The following CACNA2D4 variants were observed in gnomAD, a reference collection of about 807,000 sequenced individuals.
The protein encoded by CACNA2D4 is voltage-dependent calcium channel subunit alpha-2/delta-4.
Under a neutral mutation model 163.8 loss-of-function variants are expected in CACNA2D4, and 157 were observed. The observed-to-expected ratio is 0.96, with a 90% CI of 0.84 to 1.09. CACNA2D4 has a LOEUF of 1.09. CACNA2D4 is among the 50% of genes least tolerant of loss of function. The pLI is 0.00. For synonymous variants in CACNA2D4, 598 were observed against 586.9 expected (o/e 1.02, Z -0.27); for missense variants, 1,410 against 1,479.9 (o/e 0.95, Z 0.78).
rs965878166 is a variant in CACNA2D4, at chr12:1,830,817, G to T, written c.2551+9922C>A. 13 of 807,510 alleles carry T rather than the reference G, an allele frequency of 1.6e-5. No individual in the cohort carries two copies. In the Admixed American group the frequency reaches 1.8e-4, roughly 11 times the overall value. 50.0% of individuals were successfully genotyped at this position (807,510 alleles called of 1,614,324 possible). Reference sequence around the variant, plus strand: ...AATAAACGTTTATGCATTGATTGTGGCTTGTGCCAAAGGAGATAAAGCCAA... The same window carrying T: ...AATAAACGTTTATGCATTGATTGTGTCTTGTGCCAAAGGAGATAAAGCCAA... On this transcript the variant is annotated intron_variant, in intron 26 of 37. Coordinates refer to ENST00000382722, the MANE Select transcript of CACNA2D4 (RefSeq NM_172364.5).
At position 1,918,373 on chromosome 12, in the gene CACNA2D4, CA is replaced by C; in HGVS notation, c.100del (p.Trp34GlyfsTer26). Reference sequence around the variant, plus strand: ...CACGGGCATTGGCTGGAGGGGAATCCAGCGGCTGCTGGAGCTGGGGTTTGCG... The same window carrying C: ...CACGGGCATTGGCTGGAGGGGAATCCGCGGCTGCTGGAGCTGGGGTTTGCG... ...FLANPSSSSRWIPLQPMPVAW... is the reference protein window; with the variant it reads ...FLANPSSSSRXIPLQPMPVAW... On this transcript the variant is annotated frameshift_variant, in exon 1 of 38. Coordinates refer to ENST00000382722, the MANE Select transcript of CACNA2D4 (RefSeq NM_172364.5). LOFTEE classifies it high-confidence loss of function. 1 of 1,604,568 alleles carries C rather than the reference CA, an allele frequency of 6.2e-7. No homozygotes were observed. Among genetic ancestry groups the C allele is most frequent in the South Asian group, 1.1e-5 (1 of 89,328 alleles).
At position 1,834,672 on chromosome 12, in the gene CACNA2D4, A is replaced by G. The variant is rs752269214; in HGVS notation, c.2551+6067T>C. On this transcript the variant is annotated intron_variant, in intron 26 of 37. Coordinates refer to ENST00000382722, the MANE Select transcript of CACNA2D4 (RefSeq NM_172364.5). This position sits in a 1 kb window ranked among gnomAD's most constrained non-coding sequence, Gnocchi z 7.6. Reference sequence around the variant, plus strand: ...AAAAAGCGCCAGCCCCTGATGGGGGACCCCGAGGGCGAGCACGAGGACCAG... The same window carrying G: ...AAAAAGCGCCAGCCCCTGATGGGGGGCCCCGAGGGCGAGCACGAGGACCAG... The G allele has an allele frequency of 3.1e-6, 5 of 1,601,176 alleles. No homozygotes were observed. Among genetic ancestry groups the G allele is most frequent in the Middle Eastern group, 1.7e-4 (1 of 6,060 alleles).
Position 1,828,660 on chromosome 12 carries a change from T to C in CACNA2D4, c.2551+12079A>G, listed in dbSNP as rs1041954419. Among the ~76,000 whole-genome samples, 9 of 152,120 alleles carry C rather than the reference T, an allele frequency of 5.9e-5. No homozygotes were observed. Among genetic ancestry groups the C allele is most frequent in the Non-Finnish European group, 1.5e-5 (1 of 68,016 alleles). On this transcript the variant is annotated intron_variant, in intron 26 of 37. Transcript: ENST00000382722. This position sits in a 1 kb window ranked among gnomAD's most constrained non-coding sequence, Gnocchi z 4.2. ...TGGCTGGCCTCGGCCAGGAGCTGGG[T>C]CAGCTTGGAGATGTCTCTTATGCTC...
In CACNA2D4 at chr12:1,799,518, C is replaced by T. The variant is rs540681626; in HGVS notation, c.2995+157G>A. Reference sequence around the variant, plus strand: ...TGGGATGAGAACTGGGCTAGACTCCCCAGTCCCCCAACCCCCAGGAATGGT... The same window carrying T: ...TGGGATGAGAACTGGGCTAGACTCCTCAGTCCCCCAACCCCCAGGAATGGT... On this transcript the variant is annotated intron_variant, in intron 34 of 37. Transcript: ENST00000382722. The surrounding 1 kb of genome is among the most constrained non-coding windows in gnomAD (Gnocchi z 4.7). Among the ~76,000 whole-genome samples, 2 of 152,278 alleles carry T rather than the reference C, an allele frequency of 1.3e-5. No individual in the cohort carries two copies. The highest frequency in any genetic ancestry group is 1.3e-4 in the Admixed American group (2 of 15,304).
At chr12:1,839,005 G>A (rs55900766) in intron 26 of CACNA2D4, among the ~76,000 whole-genome samples, 19 of 152,328 alleles carry the variant, frequency 1.2e-4, no homozygotes, top group Non-Finnish European at 2.2e-4. Flanking sequence ...GCTTCTACCC[G>A]GGCAATTTGG....
rs1863029732 is a variant in CACNA2D4 at position 1,793,402 on chromosome 12, A to G, written c.*253T>C. ...GAAGAGGAGACAGGAAGGTTAGGTCAGAAGTATGCTCATGTTGAGACCTAG... is the reference window on the plus strand; with the variant it reads ...GAAGAGGAGACAGGAAGGTTAGGTCGGAAGTATGCTCATGTTGAGACCTAG... On this transcript the variant is annotated 3_prime_UTR_variant, in exon 38 of 38. Coordinates refer to ENST00000382722, the MANE Select transcript of CACNA2D4 (RefSeq NM_172364.5). 2 of 569,470 alleles carry G rather than the reference A, an allele frequency of 3.5e-6. No homozygotes were observed. Among genetic ancestry groups the G allele is most frequent in the Admixed American group, 3.0e-5 (1 of 33,302 alleles). The allele number at this position is 569,470 out of a possible 1,614,324, so 35.3% of individuals were successfully genotyped here. A position where few individuals can be genotyped will look rare whatever the true frequency, so the allele number is the denominator to read the frequency against.
At chr12:1,851,941 T>C (rs1021573987) in intron 23 of CACNA2D4, among the ~76,000 whole-genome samples, 2 of 152,146 alleles carry the variant, frequency 1.3e-5, no homozygotes, top group African/African-American at 2.4e-5. Flanking sequence ...ACAGTTCTTA[T>C]AGTTTATGTC....
chr12:1,885,946 G>A lies in CACNA2D4; in HGVS notation c.1068+19C>T, dbSNP rs1212524062. On this transcript the variant is annotated intron_variant, in intron 9 of 37. Coordinates refer to ENST00000382722, the MANE Select transcript of CACNA2D4 (RefSeq NM_172364.5). ...CAAGAGCAGGGGCTTGGAAGTCTCA[G>A]GCCACCGTGGACACTCACCTCTCGA... 1.9e-6 allele frequency: 3 copies of A among 1,590,864 alleles called. No individual in the cohort carries two copies. The highest frequency in any genetic ancestry group is 2.6e-6 in the Non-Finnish European group (3 of 1,160,930).
At chr12:1,884,140 A>T in intron 12 of CACNA2D4, 103 bp downstream of exon 12, 1 of 946,506 alleles carries the variant, frequency 1.1e-6, no homozygotes, top group South Asian at 1.5e-5. Context: ...TGCTCCTCTT[A>T]GGGGCCCATG....
intron 27 of CACNA2D4, among the ~76,000 whole-genome samples, chr12:1,810,921 G>A (rs1863685213): frequency 6.6e-6 from 1 of 152,216 alleles, no homozygotes; most frequent in African/African-American, 2.4e-5. Context: ...GCCCTGGGTG[G>A]TGGAAGGGCC....
intron 26 of CACNA2D4, among the ~76,000 whole-genome samples, chr12:1,823,670 A>G (rs574159405): frequency 5.3e-5 from 8 of 152,088 alleles, no homozygotes; most frequent in Admixed American, 3.3e-4. Context: ...CTTCCGTAAG[A>G]TCTTGGCCTC....
intron 26 of CACNA2D4, chr12:1,831,643 C>T (rs1565696517): frequency 1.7e-5 from 14 of 829,836 alleles, no homozygotes; most frequent in Admixed American, 2.7e-5. Flanking sequence ...AAGAAGGGGG[C>T]GACCCTGCCT....
rs1863251902 is a variant in CACNA2D4, at chr12:1,799,900, C to T, written c.2974+100G>A. The T allele has an allele frequency of 1.5e-6, 2 of 1,363,890 alleles. No individual in the cohort carries two copies. Among genetic ancestry groups the T allele is most frequent in the Admixed American group, 2.0e-5 (1 of 50,292 alleles). The allele number at this position is 1,363,890 out of a possible 1,614,324, so 84.5% of individuals were successfully genotyped here. A position where few individuals can be genotyped will look rare whatever the true frequency, so the allele number is the denominator to read the frequency against. On this transcript the variant is annotated intron_variant, in intron 33 of 37. Coordinates refer to ENST00000382722, the MANE Select transcript of CACNA2D4 (RefSeq NM_172364.5). The surrounding 1 kb of genome is among the most constrained non-coding windows in gnomAD (Gnocchi z 4.7). ...GTGAACAACGATGCTTCAGGGTCAC[C>T]TATCCCCACTGTCACCCACCCCACA...
At chr12:1,797,573 C>G (rs972834679) in intron 34 of CACNA2D4, 38 bp from the exon 35 acceptor site, 18 of 1,482,864 alleles carry the variant, frequency 1.2e-5, no homozygotes, top group Non-Finnish European at 1.7e-5. Flanking sequence ...ACCGAAGGGG[C>G]CTCTGGCCTG....
Position 1,834,726 on chromosome 12 carries a change from C to A in CACNA2D4, c.2551+6013G>T. On this transcript the variant is annotated intron_variant, in intron 26 of 37. Coordinates refer to ENST00000382722, the MANE Select transcript of CACNA2D4 (RefSeq NM_172364.5). The surrounding 1 kb of genome is among the most constrained non-coding windows in gnomAD (Gnocchi z 7.6). The stretch of plus-strand genomic sequence containing the variant: ...CAGATCTCTTCTGTGGCCTGAGCGC[C>A]CATCCCCACCCGGCCAGGTAGGAAG... The A allele has an allele frequency of 6.3e-7, 1 of 1,578,500 alleles. No individual in the cohort carries two copies. The highest frequency in any genetic ancestry group is 1.1e-5 in the South Asian group (1 of 88,706).
intron 11 of CACNA2D4, among the ~76,000 whole-genome samples, 177 bp from the exon 12 acceptor site, chr12:1,884,498 G>T (rs1253780477): frequency 6.6e-6 from 1 of 152,162 alleles, no homozygotes; most frequent in Non-Finnish European, 1.5e-5. Context: ...GGGGACTGCG[G>T]GTAGGTGCAA....
intron 18 of CACNA2D4, 88 bp from the exon 19 acceptor site, chr12:1,860,294 T>C (rs1865496340): frequency 2.1e-6 from 2 of 943,212 alleles, no homozygotes; most frequent in Admixed American, 1.9e-5. Context: ...GGGGTCTTCA[T>C]CGTCACTGTA....
chr12:1,893,382 G>T (rs1030141629), intron 6 of CACNA2D4, among the ~76,000 whole-genome samples: 14 of 152,110 alleles, frequency 9.2e-5, no homozygotes, highest in Non-Finnish European at 1.6e-4. Context: ...AGCCACACAT[G>T]GTGGTGGGCG....
intron 29 of CACNA2D4, among the ~76,000 whole-genome samples, chr12:1,805,420 C>G (rs1863501136): frequency 6.6e-6 from 1 of 152,204 alleles, no homozygotes; most frequent in Non-Finnish European, 1.5e-5. Context: ...GCCTCCTTAC[C>G]TGGGGACAGC....
Sources: allele counts gnomAD v4.1 joint callset (sites outside exome capture counted in the v4.1 genomes callset), GRCh38; gene constraint gnomAD v4.1.1; non-coding constraint Gnocchi (gnomAD v3.1); transcripts MANE v1.5; gene names NCBI Gene and HGNC (gene_info 2026-07-23, HGNC 2026-07-21).